TMEM132D: variants seen among roughly 807,000 people sequenced by gnomAD.
TMEM132D encodes mature OL transmembrane protein.
In TMEM132D, 21 loss-of-function variants were observed where a neutral mutation model predicts 62.3. The ratio of observed to expected loss-of-function variants is 0.34; its 90% confidence interval spans 0.24 to 0.49. The LOEUF (loss-of-function observed/expected upper bound fraction) is 0.49. TMEM132D is among the 20% of genes least tolerant of loss of function. The pLI, the probability that TMEM132D is intolerant of heterozygous loss-of-function variation, is 0.99. For synonymous variants in TMEM132D, 621 were observed against 575.6 expected (o/e 1.08, Z -1.13); for missense variants, 1,346 against 1,402.8 (o/e 0.96, Z 0.65).
At chr12:129,510,244 T>C (rs1366121034) in intron 3 of TMEM132D, among the ~76,000 whole-genome samples, 1 of 152,186 alleles carries the variant, frequency 6.6e-6, no homozygotes, top group African/African-American at 2.4e-5. Flanking sequence ...CGTTTTCATA[T>C]GCCATTTGTA....
At chr12:129,865,520 C>A (rs1272512773) in intron 1 of TMEM132D, among the ~76,000 whole-genome samples, 1 of 152,218 alleles carries the variant, frequency 6.6e-6, no homozygotes, top group Non-Finnish European at 1.5e-5. Context: ...GTTCTACGAA[C>A]ACTCCAAGAG....
chr12:129,807,441 C>T (rs1412754749), intron 1 of TMEM132D, among the ~76,000 whole-genome samples: 1 of 152,204 alleles, frequency 6.6e-6, no homozygotes, highest in African/African-American at 2.4e-5. Context: ...GCAGACATCG[C>T]CATCCCAATC....
intron 5 of TMEM132D, among the ~76,000 whole-genome samples, chr12:129,138,921 G>A (rs1372524476): frequency 6.6e-6 from 1 of 152,118 alleles, no homozygotes; most frequent in Non-Finnish European, 1.5e-5. Flanking sequence ...CTGTGATCCT[G>A]CCTTCATTCT....
intron 3 of TMEM132D, among the ~76,000 whole-genome samples, chr12:129,379,543 G>C (rs1294529576): frequency 2.6e-5 from 4 of 152,148 alleles, no homozygotes; most frequent in African/African-American, 9.7e-5. Context: ...TCCTACCCTG[G>C]CATAGTTGAG....
chr12:129,850,089 A>G (rs1873491530), intron 1 of TMEM132D, among the ~76,000 whole-genome samples: 1 of 152,212 alleles, frequency 6.6e-6, no homozygotes, highest in African/African-American at 2.4e-5. Flanking sequence ...TCCTAGACTT[A>G]GTTTCTTTCT....
intron 2 of TMEM132D, among the ~76,000 whole-genome samples, chr12:129,693,613 T>A (rs935751291): frequency 1.3e-5 from 2 of 152,152 alleles, no homozygotes; most frequent in African/African-American, 2.4e-5. Flanking sequence ...GACCATGTCC[T>A]CAGGATATGG....
At position 129,542,314 on chromosome 12, in the gene TMEM132D, G is replaced by T. The variant is rs538954480; in HGVS notation, c.969-11109C>A. 2.6e-5 allele frequency among the ~76,000 whole-genome samples: 4 copies of T among 152,218 alleles called. No individual in the cohort carries two copies. In the East Asian group the frequency reaches 7.7e-4, roughly 29 times the overall value. On this transcript the variant is annotated intron_variant, in intron 2 of 8. Transcript: ENST00000422113. ...TTACATTACATAATTGAACTGTATT[G>T]CTATTTTCTCAGCCTTCATGGTTAC...
intron 5 of TMEM132D, among the ~76,000 whole-genome samples, chr12:129,171,081 A>T (rs946987223): frequency 6.6e-6 from 1 of 152,212 alleles, no homozygotes; most frequent in African/African-American, 2.4e-5. Flanking sequence ...CTTCTTTCAA[A>T]ATTGGAATCA....
At chr12:129,209,861 C>T (rs1878983156) in intron 4 of TMEM132D, 198 bp from the exon 5 acceptor site, 1 of 665,288 alleles carries the variant, frequency 1.5e-6, no homozygotes, top group African/African-American at 1.8e-5. Flanking sequence ...CAGATTTCCA[C>T]AGGGCAACTA....
chr12:129,209,451 A>T (rs1565998129), intron 5 of TMEM132D, 69 bp downstream of exon 5: 3 of 1,590,798 alleles, frequency 1.9e-6, no homozygotes, highest in East Asian at 2.3e-5. Flanking sequence ...AGAGGTCCCA[A>T]GCTGGTCCAG....
At chr12:129,671,330 A>G (rs1159622643) in intron 2 of TMEM132D, among the ~76,000 whole-genome samples, 1 of 152,182 alleles carries the variant, frequency 6.6e-6, no homozygotes, top group East Asian at 1.9e-4. Context: ...CGGTAGTTGC[A>G]ATAGGTTTCC....
chr12:129,562,180 G>A (rs1372339960), intron 2 of TMEM132D, among the ~76,000 whole-genome samples: 1 of 152,186 alleles, frequency 6.6e-6, no homozygotes, highest in Non-Finnish European at 1.5e-5. Context: ...AGGTATTTGA[G>A]TGTGGATAAT....
At chr12:129,259,527 T>C (rs188855108) in intron 4 of TMEM132D, among the ~76,000 whole-genome samples, 31 of 152,280 alleles carry the variant, frequency 2.0e-4, no homozygotes, top group Middle Eastern at 3.4e-3. Context: ...TTCCCTGTAG[T>C]GCTGGGAGTG....
At chr12:129,654,908 C>T (rs937564632) in intron 2 of TMEM132D, among the ~76,000 whole-genome samples, 1 of 151,976 alleles carries the variant, frequency 6.6e-6, no homozygotes, top group African/African-American at 2.4e-5. Flanking sequence ...AAACATTGTC[C>T]TTCCATTGTT....
intron 1 of TMEM132D, among the ~76,000 whole-genome samples, chr12:129,895,563 C>T (rs1875080035): frequency 6.6e-6 from 1 of 152,246 alleles, no homozygotes; most frequent in Admixed American, 6.5e-5. Context: ...GCCTGCACAG[C>T]CCTGGCTGCC....
chr12:129,799,618 C>T (rs1353439627), intron 1 of TMEM132D, among the ~76,000 whole-genome samples: 2 of 151,994 alleles, frequency 1.3e-5, no homozygotes, highest in African/African-American at 4.8e-5. Context: ...CTGGGTCACC[C>T]AGTTGGCCCG....
chr12:129,424,216 AAT>A (rs1491082945), intron 3 of TMEM132D, among the ~76,000 whole-genome samples: 8 of 151,626 alleles, frequency 5.3e-5, no homozygotes, highest in African/African-American at 1.4e-4. Context: ...AAAAAAAAAA[AAT>A]CTATGACAAA....
intron 1 of TMEM132D, among the ~76,000 whole-genome samples, chr12:129,862,353 C>T (rs934820318): frequency 5.3e-5 from 8 of 152,350 alleles, no homozygotes; most frequent in South Asian, 2.1e-4. Flanking sequence ...CTGAGGATTT[C>T]CATGCTGAAA....
chr12:129,244,385 C>CAAAAAAAAA (rs751155633), intron 4 of TMEM132D, among the ~76,000 whole-genome samples: 162 of 85,058 alleles, frequency 1.9e-3, no homozygotes, highest in Non-Finnish European at 3.4e-3. Context: ...GACTCTGTCT[C>CAAAAAAAAA]AAAAAAAAAA....
Sources: allele counts gnomAD v4.1 joint callset (sites outside exome capture counted in the v4.1 genomes callset), GRCh38; gene constraint gnomAD v4.1.1; transcripts MANE v1.5; gene names NCBI Gene and HGNC (gene_info 2026-07-23, HGNC 2026-07-21).